BCL9: variants seen among roughly 807,000 people sequenced by gnomAD.
The protein encoded by BCL9 is B-cell CLL/lymphoma 9 protein.
In BCL9, 25 loss-of-function variants were observed where a neutral mutation model predicts 88.5. The observed-to-expected ratio is 0.28, with a 90% CI of 0.21 to 0.39. The LOEUF is 0.39. Ranked by LOEUF, BCL9 falls within the 10% of genes least tolerant of loss-of-function variation. The pLI, the probability that BCL9 is intolerant of heterozygous loss-of-function variation, is 1.00. For missense variants in BCL9, 1,817 were observed against 1,877.8 expected (o/e 0.97, Z 0.60); for synonymous variants, 711 against 673.3 (o/e 1.06, Z -0.87).
In BCL9 at chr1:147,621,048, G is replaced by A. The variant is rs782070378; in HGVS notation, c.2893G>A (p.Val965Ile). The change falls in exon 8 of 10, where the codon GTA becomes ATA. Residue 965 changes from valine (V) to isoleucine (I), a missense_variant. Coordinates refer to ENST00000234739, the MANE Select transcript of BCL9 (RefSeq NM_004326.4). ...TMASPAMLGN[V>I]ESGGPPPPTA... ...GGCCTCCCCAGCCATGCTGGGAAAT[G>A]TAGAGTCAGGTCAGTATGCTTGCAT... The A allele has an allele frequency of 1.1e-5, 17 of 1,612,514 alleles. No homozygotes were observed. Among genetic ancestry groups the A allele is most frequent in the African/African-American group, 8.0e-5 (6 of 74,918 alleles).
At chr1:147,558,650 C>A (rs1655228940) in intron 1 of BCL9, among the ~76,000 whole-genome samples, 1 of 152,170 alleles carries the variant, frequency 6.6e-6, no homozygotes, top group Non-Finnish European at 1.5e-5. Context: ...ATGGCCCTTC[C>A]TGTATTTGAA....
At chr1:147,596,267 C>A (rs1200822149) in intron 1 of BCL9, among the ~76,000 whole-genome samples, 2 of 152,220 alleles carry the variant, frequency 1.3e-5, no homozygotes, top group South Asian at 4.1e-4. Flanking sequence ...CCATTGACTT[C>A]AATAGACTGG....
chr1:147,601,862 TA>T (rs1553201333), intron 1 of BCL9, among the ~76,000 whole-genome samples: 1 of 152,204 alleles, frequency 6.6e-6, no homozygotes, highest in Admixed American at 6.5e-5. Context: ...AGGGCTTGGA[TA>T]AAAAGAGAAA....
intron 1 of BCL9, among the ~76,000 whole-genome samples, chr1:147,604,474 T>C (rs587716250): frequency 6.6e-6 from 1 of 152,344 alleles, no homozygotes; most frequent in East Asian, 1.9e-4. Context: ...TGGAAAATGT[T>C]AAAAACAATG....
chr1:147,599,629 T>C (rs1311007245), intron 1 of BCL9, among the ~76,000 whole-genome samples: 1 of 152,064 alleles, frequency 6.6e-6, no homozygotes, highest in Non-Finnish European at 1.5e-5. Flanking sequence ...CAGGAGGCTC[T>C]GGAGTTGGGG....
intron 1 of BCL9, among the ~76,000 whole-genome samples, chr1:147,561,198 T>G (rs372519147): frequency 6.6e-6 from 1 of 152,254 alleles, no homozygotes; most frequent in East Asian, 1.9e-4. Context: ...CTTTTATCTT[T>G]TTTTCTCAAA....
chr1:147,611,358 G>A (rs782386275), intron 3 of BCL9, among the ~76,000 whole-genome samples: 1 of 152,160 alleles, frequency 6.6e-6, no homozygotes, highest in Non-Finnish European at 1.5e-5. Context: ...TTGCGGGGGA[G>A]GCTTGCATGC....
intron 1 of BCL9, among the ~76,000 whole-genome samples, chr1:147,594,653 A>T (rs1656973754): frequency 6.6e-6 from 1 of 152,234 alleles, no homozygotes; most frequent in South Asian, 2.1e-4. Flanking sequence ...TTAAAGAACA[A>T]CAATTAAGAG....
Position 147,619,214 on chromosome 1 carries a change from G to A in BCL9, c.1059G>A (p.Gln353=), listed in dbSNP as rs370851625. Residue 353 remains glutamine, a synonymous_variant, in exon 8 of 10, where the codon CAG becomes CAA. Coordinates refer to ENST00000234739, the MANE Select transcript of BCL9 (RefSeq NM_004326.4). This position sits in a 1 kb window ranked among gnomAD's most constrained non-coding sequence, Gnocchi z 4.1. ...GAGAGAATCCCGATGGCCTATCTCAGGAGCAGCTGGAGCACCGGGAGCGCT... is the reference window on the plus strand; with the variant it reads ...GAGAGAATCCCGATGGCCTATCTCAAGAGCAGCTGGAGCACCGGGAGCGCT... The part of the protein sequence containing the change: ...TLGENPDGLS[Q]EQLEHRERSL... The A allele has an allele frequency of 6.2e-7, 1 of 1,614,032 alleles. No individual in the cohort carries two copies. Among genetic ancestry groups the A allele is most frequent in the African/African-American group, 1.3e-5 (1 of 74,918 alleles).
intron 1 of BCL9, among the ~76,000 whole-genome samples, chr1:147,597,233 T>C (rs1281590057): frequency 2.6e-5 from 4 of 152,188 alleles, no homozygotes; most frequent in Non-Finnish European, 5.9e-5. Context: ...ACAAAAGCAC[T>C]TGTTGCCTCA....
At chr1:147,584,178 G>C (rs1195501933) in intron 1 of BCL9, among the ~76,000 whole-genome samples, 2 of 151,780 alleles carry the variant, frequency 1.3e-5, no homozygotes, top group Admixed American at 1.3e-4. Flanking sequence ...CTCCCAAGTA[G>C]CTGGGATTAC....
At position 147,624,457 on chromosome 1, in the gene BCL9, G is replaced by T; in HGVS notation, c.3779G>T (p.Arg1260Leu). The T allele has an allele frequency of 6.2e-7, 1 of 1,614,186 alleles. No individual in the cohort carries two copies. Among genetic ancestry groups the T allele is most frequent in the East Asian group, 2.2e-5 (1 of 44,870 alleles). The change falls in exon 10 of 10, where the codon CGT (arginine) becomes CTT (leucine). Residue 1260 changes from arginine (R) to leucine (L), a missense_variant. Coordinates refer to ENST00000234739, the MANE Select transcript of BCL9 (RefSeq NM_004326.4). The surrounding 1 kb of genome is among the most constrained non-coding windows in gnomAD (Gnocchi z 4.4). ...QYFPRGEVPG[R>L]KQPQGPGPGF... is the part of the protein sequence containing the mutation. Reference sequence around the variant, plus strand: ...TTCCCTCGAGGGGAAGTTCCAGGCCGTAAACAGCCCCAGGGTCCTGGACCT... The same window carrying T: ...TTCCCTCGAGGGGAAGTTCCAGGCCTTAAACAGCCCCAGGGTCCTGGACCT...
At position 147,619,722 on chromosome 1, in the gene BCL9, A is replaced by G. The variant is rs782178171; in HGVS notation, c.1567A>G (p.Ser523Gly). The G allele has an allele frequency of 6.2e-7, 1 of 1,613,904 alleles. No individual in the cohort carries two copies. Among genetic ancestry groups the G allele is most frequent in the Admixed American group, 1.7e-5 (1 of 60,014 alleles). The stretch of plus-strand genomic sequence containing the variant: ...CCCCCCTCCATACCAGATGACCCCT[A>G]GTGAAGGCTGGGCACCTGGGGGTAC... Reference protein sequence around the residue: ...GPPPPYQMTPSEGWAPGGTEP... With the variant: ...GPPPPYQMTPGEGWAPGGTEP... Residue 523 changes from serine (S) to glycine (G), a missense_variant, in exon 8 of 10, where the codon AGT becomes GGT. This residue lies in a region of BCL9 where 1,228 missense variants were observed against 1,191.6 expected (regional missense o/e 1.03). Transcript: ENST00000234739. The surrounding 1 kb of genome is among the most constrained non-coding windows in gnomAD (Gnocchi z 4.1).
intron 1 of BCL9, among the ~76,000 whole-genome samples, chr1:147,591,240 C>T (rs771965063): frequency 6.6e-6 from 1 of 152,134 alleles, no homozygotes; most frequent in Non-Finnish European, 1.5e-5. Flanking sequence ...AAAAATAACT[C>T]AGTGTATTCT....
intron 1 of BCL9, among the ~76,000 whole-genome samples, chr1:147,544,639 C>T (rs7553950): frequency 0.015 from 2,265 of 152,178 alleles, 39 homozygotes; most frequent in African/African-American, 0.053. Flanking sequence ...GAGACTCCAC[C>T]ATTATCACTG....
intron 1 of BCL9, among the ~76,000 whole-genome samples, chr1:147,546,117 A>G (rs1553194238): frequency 2.6e-5 from 4 of 152,142 alleles, no homozygotes; most frequent in Admixed American, 1.3e-4. Context: ...CGGGCGGATC[A>G]CGAGGTCAGG....
In BCL9 at chr1:147,625,540, G is replaced by C. The variant is rs1055904984; in HGVS notation, c.*581G>C. The C allele has an allele frequency of 1.2e-5, 2 of 167,406 alleles. No individual in the cohort carries two copies. The highest frequency in any genetic ancestry group is 2.3e-5 in the Non-Finnish European group (2 of 86,514). The allele number at this position is 167,406 out of a possible 1,614,324, so 10.4% of individuals were successfully genotyped here. A position where few individuals can be genotyped will look rare whatever the true frequency, so the allele number is the denominator to read the frequency against. On this transcript the variant is annotated 3_prime_UTR_variant, in exon 10 of 10. Coordinates refer to ENST00000234739, the MANE Select transcript of BCL9 (RefSeq NM_004326.4). ...AACCAAACTACGACCTCAGAGCAGAGTATTAATGAAAAGCACAAAAAAAGG... is the reference window on the plus strand; with the variant it reads ...AACCAAACTACGACCTCAGAGCAGACTATTAATGAAAAGCACAAAAAAAGG...
At chr1:147,602,488 G>C (rs1553201450) in intron 1 of BCL9, among the ~76,000 whole-genome samples, 1 of 152,192 alleles carries the variant, frequency 6.6e-6, no homozygotes, top group African/African-American at 2.4e-5. Flanking sequence ...GGGATTACAG[G>C]TGTGAGCCAC....
chr1:147,621,041 G>T lies in BCL9; in HGVS notation c.2886G>T (p.Leu962=). The T allele has an allele frequency of 6.2e-7, 1 of 1,613,230 alleles. No homozygotes were observed. The highest frequency in any genetic ancestry group is 8.5e-7 in the Non-Finnish European group (1 of 1,179,724). ...APLTMASPAM[L]GNVESGGPPP... Reference sequence around the variant, plus strand: ...TCACCATGGCCTCCCCAGCCATGCTGGGAAATGTAGAGTCAGGTCAGTATG... The same window carrying T: ...TCACCATGGCCTCCCCAGCCATGCTTGGAAATGTAGAGTCAGGTCAGTATG... The change falls in exon 8 of 10, where the codon CTG becomes CTT. Residue 962 remains leucine, a synonymous_variant. Coordinates refer to ENST00000234739, the MANE Select transcript of BCL9 (RefSeq NM_004326.4).
Sources: gnomAD v4.1 joint callset for allele counts (sites outside exome capture counted in the v4.1 genomes callset) on GRCh38, gnomAD v4.1.1 for gene constraint, gnomAD v4.1.1 regional missense constraint, Gnocchi (gnomAD v3.1) non-coding constraint, MANE v1.5 for transcripts, NCBI Gene and HGNC (gene_info 2026-07-23, HGNC 2026-07-21) for gene names.